SMYD3: variants seen among roughly 807,000 people sequenced by gnomAD.
The protein encoded by SMYD3 is histone-lysine N-methyltransferase SMYD3.
A neutral mutation model predicts 57.7 loss-of-function variants in SMYD3; 36 were observed. That is an observed-to-expected ratio of 0.62 (90% CI 0.48 to 0.82). SMYD3 has a LOEUF of 0.82. Among genes scored for constraint, SMYD3 ranks in the 40% least tolerant of loss-of-function variants. The pLI is 0.00. For missense variants in SMYD3, 515 were observed against 538.8 expected (o/e 0.96, Z 0.44); for synonymous variants, 211 against 195.0 (o/e 1.08, Z -0.68).
At chr1:246,475,515 G>C (rs977640241) in intron 1 of SMYD3, among the ~76,000 whole-genome samples, 1 of 151,704 alleles carries the variant, frequency 6.6e-6, no homozygotes. Flanking sequence ...GCATGATGGC[G>C]CGTGCCTGTA....
intron 5 of SMYD3, among the ~76,000 whole-genome samples, chr1:246,055,483 C>A (rs1327952113): frequency 6.6e-6 from 1 of 152,114 alleles, no homozygotes; most frequent in African/African-American, 2.4e-5. Context: ...ACTATATGAT[C>A]CAGCAATTCC....
At chr1:246,397,790 C>G (rs906218661) in intron 1 of SMYD3, among the ~76,000 whole-genome samples, 1 of 151,924 alleles carries the variant, frequency 6.6e-6, no homozygotes, top group African/African-American at 2.4e-5. Flanking sequence ...GATAATTCAG[C>G]AGGCAGGGGG....
At position 246,125,077 on chromosome 1, in the gene SMYD3, A is replaced by ACACACACACACACACACAC. The variant is rs1553295580; in HGVS notation, c.532-195141_532-195140insGTGTGTGTGTGTGTGTGTG. Among the ~76,000 whole-genome samples, 49 of 104,310 alleles carry ACACACACACACACACACAC rather than the reference A, an allele frequency of 4.7e-4. 1 individual carries two copies. The highest frequency in any genetic ancestry group is 1.8e-3 in the South Asian group (7 of 3,818). 68.4% of individuals were successfully genotyped at this position (104,310 alleles called of 152,430 possible). ...ACAGAGCGAGACTCCGTCTCAAAAA[A>ACACACACACACACACACAC]AAAAAAAAAAACACACACACACACA... On this transcript the variant is annotated intron_variant, in intron 5 of 11. Coordinates refer to ENST00000490107, the MANE Select transcript of SMYD3 (RefSeq NM_001167740.2).
chr1:245,820,951 G>A (rs1180883670), intron 10 of SMYD3, among the ~76,000 whole-genome samples: 5 of 150,918 alleles, frequency 3.3e-5, no homozygotes, highest in East Asian at 2.0e-4. Flanking sequence ...AATCAATATC[G>A]TGAAAATGGC....
chr1:245,865,592 G>T (rs1239011287), intron 8 of SMYD3, among the ~76,000 whole-genome samples: 1 of 152,184 alleles, frequency 6.6e-6, no homozygotes, highest in African/African-American at 2.4e-5. Flanking sequence ...ATATTACTCT[G>T]TTTGCCACAG....
At chr1:246,377,804 G>T (rs1428489553) in intron 1 of SMYD3, among the ~76,000 whole-genome samples, 5 of 152,204 alleles carry the variant, frequency 3.3e-5, no homozygotes, top group African/African-American at 1.2e-4. Context: ...AAACTGCTGA[G>T]TTGCAAGAAA....
At chr1:246,277,685 G>A (rs551448050) in intron 5 of SMYD3, among the ~76,000 whole-genome samples, 2 of 152,298 alleles carry the variant, frequency 1.3e-5, no homozygotes, top group South Asian at 4.1e-4. Flanking sequence ...ACAGACCACC[G>A]CTCAGTAATA....
chr1:246,342,366 C>T (rs751461192), intron 2 of SMYD3, among the ~76,000 whole-genome samples: 2 of 152,134 alleles, frequency 1.3e-5, no homozygotes, highest in Non-Finnish European at 2.9e-5. Flanking sequence ...AAAAGATACT[C>T]GACAGTTTTC....
At chr1:246,287,684 T>A (rs2064598300) in intron 5 of SMYD3, among the ~76,000 whole-genome samples, 1 of 152,150 alleles carries the variant, frequency 6.6e-6, no homozygotes, top group Admixed American at 6.5e-5. Flanking sequence ...CCTGACCCTG[T>A]CTCTGTTTTG....
chr1:245,980,207 C>T (rs938674291), intron 5 of SMYD3, among the ~76,000 whole-genome samples: 1 of 152,250 alleles, frequency 6.6e-6, no homozygotes, highest in Non-Finnish European at 1.5e-5. Flanking sequence ...CCTTACTGTG[C>T]ATGATTTTTC....
chr1:246,451,140 T>G (rs2067627064), intron 1 of SMYD3, among the ~76,000 whole-genome samples: 1 of 152,222 alleles, frequency 6.6e-6, no homozygotes, highest in Non-Finnish European at 1.5e-5. Flanking sequence ...TGCTGTCTCC[T>G]CAGGGTTTAG....
At chr1:246,495,386 G>A (rs2068344593) in intron 1 of SMYD3, among the ~76,000 whole-genome samples, 1 of 137,074 alleles carries the variant, frequency 7.3e-6, no homozygotes, top group African/African-American at 2.7e-5. Context: ...CTATGCTCCA[G>A]CCACACTCCA....
At chr1:246,143,209 G>A (rs1290964052) in intron 5 of SMYD3, among the ~76,000 whole-genome samples, 1 of 151,682 alleles carries the variant, frequency 6.6e-6, no homozygotes, top group East Asian at 1.9e-4. Context: ...AGGGTCTTGG[G>A]ACCTGCTTAA....
chr1:245,823,315 G>T lies in SMYD3; in HGVS notation c.1076+35181C>A, dbSNP rs190980255. On this transcript the variant is annotated intron_variant, in intron 10 of 11. Transcript: ENST00000490107. ...AGCTTTCTTGCTCTCTGCCACACGT[G>T]CGTGTGCACACACACACGCGCGCTC... 7.8e-3 allele frequency among the ~76,000 whole-genome samples: 1,106 copies of T among 140,996 alleles called. 18 individuals carry two copies. Among genetic ancestry groups the T allele is most frequent in the African/African-American group, 0.028 (1,057 of 38,404 alleles). The allele number at this position is 140,996 out of a possible 152,430, so 92.5% of individuals were successfully genotyped here. A position where few individuals can be genotyped will look rare whatever the true frequency, so the allele number is the denominator to read the frequency against.
intron 10 of SMYD3, among the ~76,000 whole-genome samples, chr1:245,812,677 A>T (rs1427177574): frequency 7.1e-6 from 1 of 139,890 alleles, no homozygotes; most frequent in Non-Finnish European, 1.5e-5. Flanking sequence ...AGAATGACAA[A>T]TTCTTACTTC....
intron 2 of SMYD3, among the ~76,000 whole-genome samples, chr1:246,340,814 T>G (rs1425769921): frequency 1.3e-5 from 2 of 152,156 alleles, no homozygotes; most frequent in Non-Finnish European, 2.9e-5. Context: ...AAAAAAAATT[T>G]TTTTTAGTTA....
At chr1:246,468,559 T>A (rs1164139500) in intron 1 of SMYD3, among the ~76,000 whole-genome samples, 1 of 151,862 alleles carries the variant, frequency 6.6e-6, no homozygotes, top group African/African-American at 2.4e-5. Flanking sequence ...GAGAATCACT[T>A]GAACCCAGGA....
intron 3 of SMYD3, among the ~76,000 whole-genome samples, chr1:246,333,906 T>C (rs1486387997): frequency 6.6e-6 from 1 of 151,718 alleles, no homozygotes; most frequent in Non-Finnish European, 1.5e-5. Flanking sequence ...AAATAAAAAG[T>C]GCACAAAGGA....
At chr1:246,147,047 C>T (rs12137811) in intron 5 of SMYD3, among the ~76,000 whole-genome samples, 23,944 of 152,062 alleles carry the variant, frequency 0.16, 2,485 homozygotes, top group African/African-American at 0.26. Flanking sequence ...GATTCCCCCT[C>T]GCTTCTTGCG....
Sources: gnomAD v4.1 joint callset for allele counts (sites outside exome capture counted in the v4.1 genomes callset) on GRCh38, gnomAD v4.1.1 for gene constraint, MANE v1.5 for transcripts, NCBI Gene and HGNC (gene_info 2026-07-23, HGNC 2026-07-21) for gene names.